The following TMEM233 variants were observed in gnomAD, a reference collection of about 807,000 sequenced individuals.
TMEM233 encodes dispanin subfamily B member 2.
In TMEM233, 6 loss-of-function variants were observed where a neutral mutation model predicts 11.2. The ratio of observed to expected loss-of-function variants is 0.54; its 90% CI spans 0.29 to 1.06. The LOEUF is 1.06. TMEM233 is among the 50% of genes least tolerant of loss of function. The pLI is 0.08. For synonymous variants in TMEM233, 59 were observed against 55.8 expected (o/e 1.06, Z -0.26); for missense variants, 127 against 144.7 (o/e 0.88, Z 0.63).
intron 1 of TMEM233, among the ~76,000 whole-genome samples, chr12:119,600,709 T>C (rs1954145876): frequency 6.6e-6 from 1 of 152,198 alleles, no homozygotes; most frequent in Non-Finnish European, 1.5e-5. Flanking sequence ...TATTATATGA[T>C]TCCACTTATA....
chr12:119,606,928 A>G (rs1024325195), intron 1 of TMEM233, among the ~76,000 whole-genome samples: 3 of 152,258 alleles, frequency 2.0e-5, no homozygotes, highest in Admixed American at 6.5e-5. Context: ...CAGTTAGGAT[A>G]GTGCTTTTGA....
At chr12:119,616,269 A>G (rs2136722743) in intron 1 of TMEM233, among the ~76,000 whole-genome samples, 1 of 152,338 alleles carries the variant, frequency 6.6e-6, no homozygotes, top group East Asian at 1.9e-4. Flanking sequence ...GAAATACGTG[A>G]TGAGAACCCA....
intron 2 of TMEM233, among the ~76,000 whole-genome samples, chr12:119,635,635 G>A (rs1186917501): frequency 2.0e-5 from 3 of 152,160 alleles, no homozygotes; most frequent in Non-Finnish European, 4.4e-5. Context: ...GGGAGTTAGA[G>A]TCAGATCCCA....
At position 119,593,840 on chromosome 12, in the gene TMEM233, G is replaced by C; in HGVS notation, c.-9G>C. 1 of 1,550,132 alleles carries C rather than the reference G, an allele frequency of 6.5e-7. No individual in the cohort carries two copies. Among genetic ancestry groups the C allele is most frequent in the Non-Finnish European group, 8.7e-7 (1 of 1,145,946 alleles). ...CTCCTCCGCCCTCCCGGCGCCGCCG[G>C]CCTCGCCCATGTCTCAGTACGCCCC... On this transcript the variant is annotated 5_prime_UTR_variant, in exon 1 of 3. Transcript: ENST00000426426. The surrounding 1 kb of genome is among the most constrained non-coding windows in gnomAD (Gnocchi z 4.1).
At chr12:119,630,206 T>C (rs969714124) in intron 2 of TMEM233, among the ~76,000 whole-genome samples, 1 of 152,216 alleles carries the variant, frequency 6.6e-6, no homozygotes, top group Admixed American at 6.5e-5. Context: ...CATTCTGCAT[T>C]GCTATAAAGA....
intron 2 of TMEM233, 71 bp from the exon 3 acceptor site, chr12:119,640,628 G>T: frequency 6.6e-7 from 1 of 1,515,780 alleles, no homozygotes. Flanking sequence ...GGAAGGCATC[G>T]AGCTGGGAAA....
In TMEM233 at chr12:119,640,035, C is replaced by T. The variant is rs75741256; in HGVS notation, c.324-664C>T. On this transcript the variant is annotated intron_variant, in intron 2 of 2. Coordinates refer to ENST00000426426, the MANE Select transcript of TMEM233 (RefSeq NM_001136534.3). Reference sequence around the variant, plus strand: ...TGATCAGTTTCAATGCAGAGAAAAACGCCTGGAGAACTTACACCAAACTGC... The same window carrying T: ...TGATCAGTTTCAATGCAGAGAAAAATGCCTGGAGAACTTACACCAAACTGC... Among the ~76,000 whole-genome samples the T allele has an allele frequency of 3.2e-4, 48 of 152,278 alleles. No homozygotes were observed. The East Asian group carries it at 8.7e-3, about 28-fold the overall frequency.
intron 2 of TMEM233, among the ~76,000 whole-genome samples, chr12:119,635,198 T>G (rs1307363695): frequency 1.3e-5 from 2 of 152,250 alleles, no homozygotes; most frequent in East Asian, 3.9e-4. Context: ...GCTAATACCT[T>G]GAGGACTCAA....
intron 2 of TMEM233, among the ~76,000 whole-genome samples, chr12:119,640,145 T>TTGC (rs1443740058): frequency 2.2e-5 from 2 of 92,550 alleles, no homozygotes; most frequent in African/African-American, 3.8e-5. Flanking sequence ...CGCATTTTGT[T>TTGC]TGTTGTTGTT....
intron 1 of TMEM233, among the ~76,000 whole-genome samples, chr12:119,599,788 C>T (rs940433746): frequency 5.3e-5 from 8 of 152,080 alleles, no homozygotes; most frequent in Admixed American, 4.6e-4. Flanking sequence ...CAGCCAGGCC[C>T]CCACTTCCTC....
Position 119,640,855 on chromosome 12 carries a change from A to AC in TMEM233, c.*150_*151insC. ...GAGGCAGGTCCCTGGCAAATGAACA[A>AC]GAAAAAAAAAAAAAAAAAGTCCAAA... On this transcript the variant is annotated 3_prime_UTR_variant, in exon 3 of 3. Transcript: ENST00000426426. The AC allele has an allele frequency of 3.1e-4, 178 of 565,868 alleles. No homozygotes were observed. The highest frequency in any genetic ancestry group is 1.1e-3 in the East Asian group (30 of 28,372). The allele number at this position is 565,868 out of a possible 1,614,324, so 35.1% of individuals were successfully genotyped here.
At chr12:119,620,921 C>T (rs1954627972) in intron 1 of TMEM233, among the ~76,000 whole-genome samples, 1 of 152,174 alleles carries the variant, frequency 6.6e-6, no homozygotes, top group Admixed American at 6.5e-5. Context: ...TGCTCTGTCA[C>T]CCAGGCTACA....
intron 1 of TMEM233, among the ~76,000 whole-genome samples, chr12:119,625,397 TCTCA>T (rs1453550812): frequency 4.1e-5 from 6 of 146,162 alleles, no homozygotes; most frequent in Non-Finnish European, 7.5e-5. Flanking sequence ...TGATACAAGG[TCTCA>T]CTCTGTCATC....
At chr12:119,605,956 C>T (rs193158602) in intron 1 of TMEM233, among the ~76,000 whole-genome samples, 12 of 152,140 alleles carry the variant, frequency 7.9e-5, no homozygotes, top group South Asian at 2.1e-4. Context: ...AGAAGAGAGA[C>T]GAGCATGAAT....
intron 1 of TMEM233, among the ~76,000 whole-genome samples, chr12:119,605,796 C>T (rs1758489005): frequency 6.6e-6 from 1 of 152,060 alleles, no homozygotes; most frequent in African/African-American, 2.4e-5. Context: ...CAGATTTACC[C>T]CCATCAATAT....
At chr12:119,638,341 T>A (rs1955007988) in intron 2 of TMEM233, among the ~76,000 whole-genome samples, 1 of 152,168 alleles carries the variant, frequency 6.6e-6, no homozygotes, top group Non-Finnish European at 1.5e-5. Context: ...CATGCACCTG[T>A]AGTCCCAGCT....
At chr12:119,615,371 G>T (rs1954504657) in intron 1 of TMEM233, among the ~76,000 whole-genome samples, 1 of 152,122 alleles carries the variant, frequency 6.6e-6, no homozygotes, top group African/African-American at 2.4e-5. Flanking sequence ...TCAAATAAAT[G>T]AATTAATGAA....
At chr12:119,646,852 A>G (rs1189323311), downstream of TMEM233, among the ~76,000 whole-genome samples, 1 of 152,058 alleles carries the variant, frequency 6.6e-6, no homozygotes, top group African/African-American at 2.4e-5. Flanking sequence ...TTACCATGTA[A>G]CCCAACATAT....
chr12:119,601,290 G>T (rs527605049), intron 1 of TMEM233, among the ~76,000 whole-genome samples: 1 of 152,172 alleles, frequency 6.6e-6, no homozygotes, highest in South Asian at 2.1e-4. Context: ...AACTTTGAAA[G>T]AAAGGAAACA....
Sources: allele counts gnomAD v4.1 joint callset (sites outside exome capture counted in the v4.1 genomes callset), GRCh38; gene constraint gnomAD v4.1.1; non-coding constraint Gnocchi (gnomAD v3.1); transcripts MANE v1.5; gene names NCBI Gene and HGNC (gene_info 2026-07-23, HGNC 2026-07-21).